TRIO: variants seen among roughly 807,000 people sequenced by gnomAD.
The protein encoded by TRIO is trio Rho guanine nucleotide exchange factor.
A neutral mutation model predicts 351.9 loss-of-function variants in TRIO; 58 were observed. That is an observed-to-expected ratio of 0.16 (90% CI 0.13 to 0.21). The LOEUF is 0.21. Ranked by LOEUF, TRIO falls within the 10% of genes least tolerant of loss-of-function variation. TRIO has a pLI of 1.00. For synonymous variants in TRIO, 1,758 were observed against 1,595.7 expected (o/e 1.10, Z -2.42); for missense variants, 3,201 against 4,027.8 (o/e 0.79, Z 5.56).
intron 28 of TRIO, among the ~76,000 whole-genome samples, chr5:14,396,626 T>A (rs1486074411): frequency 1.3e-5 from 2 of 151,314 alleles, no homozygotes; most frequent in African/African-American, 4.9e-5. Context: ...CATGCCACCA[T>A]GCCCAGCTAA....
intron 8 of TRIO, among the ~76,000 whole-genome samples, chr5:14,309,260 A>C (rs759810145): frequency 6.6e-6 from 1 of 152,132 alleles, no homozygotes; most frequent in Non-Finnish European, 1.5e-5. Flanking sequence ...GCAGCAAGAA[A>C]CCTGGCTTCT....
chr5:14,338,424 A>G (rs183345553), intron 11 of TRIO, among the ~76,000 whole-genome samples: 2 of 152,144 alleles, frequency 1.3e-5, no homozygotes, highest in African/African-American at 4.8e-5. Flanking sequence ...TGAGACAAGG[A>G]TGGGCGTGGT....
chr5:14,363,696 AT>A (rs756553698), intron 13 of TRIO, 35 bp from the exon 14 acceptor site: 67 of 1,587,332 alleles, frequency 4.2e-5, no homozygotes, highest in South Asian at 6.7e-5. Flanking sequence ...CTGCATGTAT[AT>A]TTTTTTTGTC....
In TRIO at chr5:14,462,854, G is replaced by A. The variant is rs373008762; in HGVS notation, c.5596G>A (p.Ala1866Thr). The change falls in exon 36 of 57, where the codon GCC becomes ACC. Residue 1866 changes from alanine to threonine, a missense_variant. Ala to Thr is a moderately conservative substitution (Grantham distance 58). Around this residue, in one of 19 missense-constraint regions of TRIO, gnomAD observed 307 missense variants for 396.5 expected, o/e 0.77. Transcript: ENST00000344204. ...AGAGGAAGGCGAGGAGGGGGCCGAC[G>A]CCGTGCCCCTGCCGCCACCCATGGC... ...GEEEGEEGADAVPLPPPMAIQ... is the reference protein window; with the variant it reads ...GEEEGEEGADTVPLPPPMAIQ... The A allele has an allele frequency of 2.4e-5, 39 of 1,613,182 alleles. No individual in the cohort carries two copies. Among genetic ancestry groups the A allele is most frequent in the South Asian group, 2.2e-4 (20 of 90,984 alleles).
chr5:14,442,549 C>T (rs552519999), intron 34 of TRIO, among the ~76,000 whole-genome samples: 15 of 152,278 alleles, frequency 9.9e-5, no homozygotes, highest in Middle Eastern at 3.4e-3. Context: ...CAATAATACT[C>T]CTTGTATTTT....
intron 28 of TRIO, among the ~76,000 whole-genome samples, chr5:14,396,773 G>T (rs1278063646): frequency 6.6e-6 from 1 of 151,842 alleles, no homozygotes; most frequent in African/African-American, 2.4e-5. Context: ...CCCGGCCTCT[G>T]TTTATCATTT....
chr5:14,210,369 C>T (rs756579376), intron 1 of TRIO, among the ~76,000 whole-genome samples: 6 of 152,266 alleles, frequency 3.9e-5, no homozygotes, highest in Non-Finnish European at 8.8e-5. Flanking sequence ...GTCCAGCTTT[C>T]CCCAGGCTCC....
At chr5:14,144,904 AGGC>A (rs553815914) in intron 1 of TRIO, among the ~76,000 whole-genome samples, 5 of 149,184 alleles carry the variant, frequency 3.4e-5, no homozygotes, top group Middle Eastern at 3.4e-3. Context: ...GAGGAGGAGG[AGGC>A]GGCGGCGGCG....
chr5:14,353,303 G>A (rs256424), intron 11 of TRIO, among the ~76,000 whole-genome samples: 54,181 of 137,122 alleles, frequency 0.4, 11,938 homozygotes, highest in East Asian at 0.57. Flanking sequence ...AGACTGAGTC[G>A]CCCAGGCTGG....
chr5:14,171,314 C>CT (rs1789085526), intron 1 of TRIO, among the ~76,000 whole-genome samples: 1 of 152,336 alleles, frequency 6.6e-6, no homozygotes, highest in African/African-American at 2.4e-5. Context: ...AACCTGTTGA[C>CT]TAAGTCGGCC....
At position 14,305,209 on chromosome 5, in the gene TRIO, T is replaced by A. The variant is rs148293548; in HGVS notation, c.1500+617T>A. ...ATGACTGCGCCAGGTCAGCAGCTAG[T>A]GGAGCAGGGTTAGCCCAGGCAGGCA... On this transcript the variant is annotated intron_variant, in intron 8 of 56. Coordinates refer to ENST00000344204, the MANE Select transcript of TRIO (RefSeq NM_007118.4). 2.0e-5 allele frequency among the ~76,000 whole-genome samples: 3 copies of A among 152,348 alleles called. No individual in the cohort carries two copies. The East Asian group carries it at 5.8e-4, about 29-fold the overall frequency.
intron 34 of TRIO, among the ~76,000 whole-genome samples, chr5:14,460,757 C>T (rs1456164893): frequency 2.0e-5 from 3 of 152,172 alleles, no homozygotes; most frequent in South Asian, 4.1e-4. Context: ...TGCTGGTCTT[C>T]AGGATTGGTG....
chr5:14,308,822 C>G (rs185289925), intron 8 of TRIO, among the ~76,000 whole-genome samples: 16 of 151,376 alleles, frequency 1.1e-4, no homozygotes, highest in African/African-American at 3.2e-4. Flanking sequence ...CTACATTTAT[C>G]AATCTACCCA....
At chr5:14,270,120 T>C (rs1477866203) in intron 1 of TRIO, among the ~76,000 whole-genome samples, 2 of 152,240 alleles carry the variant, frequency 1.3e-5, no homozygotes, top group Non-Finnish European at 2.9e-5. Context: ...CTAAATTGCC[T>C]ATTGCATGCT....
intron 1 of TRIO, among the ~76,000 whole-genome samples, chr5:14,144,432 C>T (rs1482417175): frequency 6.6e-6 from 1 of 152,194 alleles, no homozygotes; most frequent in Non-Finnish European, 1.5e-5. Flanking sequence ...TCTCCCCGGC[C>T]TTGGTCTACA....
intron 1 of TRIO, among the ~76,000 whole-genome samples, chr5:14,245,251 T>C (rs1434266564): frequency 6.6e-6 from 1 of 152,214 alleles, no homozygotes; most frequent in Non-Finnish European, 1.5e-5. Flanking sequence ...CTGTTGAAAA[T>C]GCTGGCACAG....
chr5:14,374,346 G>T lies in TRIO; in HGVS notation c.3331+3G>T. The stretch of plus-strand genomic sequence containing the variant: ...AGCTCCTGAACAGCAAGTGAAAAGT[G>T]AGTAGAGCTGGGAGTCTCCAGGGGT... On this transcript the variant is annotated splice_donor_region_variant and intron_variant, in intron 19 of 56. Coordinates refer to ENST00000344204, the MANE Select transcript of TRIO (RefSeq NM_007118.4). 3 of 1,611,208 alleles carry T rather than the reference G, an allele frequency of 1.9e-6. No homozygotes were observed. The South Asian group carries it at 3.3e-5, about 18-fold the overall frequency.
chr5:14,309,791 G>T (rs1738750356), intron 8 of TRIO, among the ~76,000 whole-genome samples: 1 of 152,166 alleles, frequency 6.6e-6, no homozygotes, highest in Non-Finnish European at 1.5e-5. Flanking sequence ...TATAAGCAGG[G>T]CTTGCTTTGC....
At chr5:14,260,453 C>T (rs149807761) in intron 1 of TRIO, among the ~76,000 whole-genome samples, 134 of 152,242 alleles carry the variant, frequency 8.8e-4, no homozygotes, top group African/African-American at 3.0e-3. Flanking sequence ...TAAGAGAGTA[C>T]CATGCATAAA....
Sources: allele counts gnomAD v4.1 joint callset (sites outside exome capture counted in the v4.1 genomes callset), GRCh38; gene constraint gnomAD v4.1.1; regional missense constraint gnomAD v4.1.1; transcripts MANE v1.5; gene names NCBI Gene and HGNC (gene_info 2026-07-23, HGNC 2026-07-21).